ZNF136: variants seen among roughly 807,000 people sequenced by gnomAD.
ZNF136 encodes the protein zinc finger protein 136 (clone pHZ-20).
A neutral mutation model predicts 11.4 loss-of-function variants in ZNF136; 8 were observed. The ratio of observed to expected loss-of-function variants is 0.70; its 90% CI spans 0.41 to 1.27. The LOEUF (loss-of-function observed/expected upper bound fraction) is 1.27. Ranked by LOEUF, ZNF136 falls within the 50% of genes most tolerant of loss-of-function variation. The pLI, the probability that ZNF136 is intolerant of heterozygous loss-of-function variation, is 0.01. For synonymous variants in ZNF136, 190 were observed against 207.1 expected (o/e 0.92, Z 0.71); for missense variants, 590 against 656.5 (o/e 0.90, Z 1.11).
chr19:12,183,121 G>T (rs772035380), intron 1 of ZNF136, among the ~76,000 whole-genome samples: 1 of 151,672 alleles, frequency 6.6e-6, no homozygotes, highest in Non-Finnish European at 1.5e-5. Flanking sequence ...TCTTTTTTGT[G>T]ATTTTGTTGT....
At chr19:12,165,727 T>A (rs1248574776) in intron 1 of ZNF136, among the ~76,000 whole-genome samples, 1 of 152,202 alleles carries the variant, frequency 6.6e-6, no homozygotes, top group Non-Finnish European at 1.5e-5. Flanking sequence ...CTCAAGTCAC[T>A]TAGAAAAGTG....
At chr19:12,177,388 G>T (rs1568400826) in intron 1 of ZNF136, among the ~76,000 whole-genome samples, 1 of 152,214 alleles carries the variant, frequency 6.6e-6, no homozygotes, top group Non-Finnish European at 1.5e-5. Flanking sequence ...TGTAGCCCAG[G>T]CTGAAGTGCA....
chr19:12,163,157 G>T lies in ZNF136; in HGVS notation c.-47G>T. ...CTCTGTGGCGCGGTTTCCTGTACCT[G>T]CCTTGGGATCCGGAGGGAGGAAGCT... On this transcript the variant is annotated 5_prime_UTR_variant, in exon 1 of 4. Coordinates refer to ENST00000343979, the MANE Select transcript of ZNF136 (RefSeq NM_003437.5). 49 of 1,399,022 alleles carry T rather than the reference G, an allele frequency of 3.5e-5. No homozygotes were observed. The highest frequency in any genetic ancestry group is 4.5e-5 in the Non-Finnish European group (48 of 1,069,508). 86.7% of individuals were successfully genotyped at this position (1,399,022 alleles called of 1,614,324 possible).
Position 12,188,013 on chromosome 19 carries a change from C to A in ZNF136, c.*12C>A. 6.7e-7 allele frequency: 1 copy of A among 1,501,050 alleles called. No individual in the cohort carries two copies. The highest frequency in any genetic ancestry group is 1.4e-5 in the South Asian group (1 of 69,784). The allele number at this position is 1,501,050 out of a possible 1,614,324, so 93.0% of individuals were successfully genotyped here. On this transcript the variant is annotated 3_prime_UTR_variant, in exon 4 of 4. Coordinates refer to ENST00000343979, the MANE Select transcript of ZNF136 (RefSeq NM_003437.5). ...GGGAAAGCCTTTAATGCTCTGGGTT[C>A]ATGTCAGATACATTAAAATACTCAC...
Position 12,186,568 on chromosome 19 carries a change from A to G in ZNF136, c.192-2A>G. 5 of 1,586,674 alleles carry G rather than the reference A, an allele frequency of 3.2e-6. No homozygotes were observed. The highest frequency in any genetic ancestry group is 1.4e-5 in the African/African-American group (1 of 73,778). ...TAGTAATGTCCGTCTCATTTTTTACAGAAGTCATATGTTAGAAAGACTCTA... is the reference window on the plus strand; with the variant it reads ...TAGTAATGTCCGTCTCATTTTTTACGGAAGTCATATGTTAGAAAGACTCTA... On this transcript the variant is annotated splice_acceptor_variant, in intron 3 of 3. Transcript: ENST00000343979. LOFTEE classifies it high-confidence loss of function.
intron 1 of ZNF136, among the ~76,000 whole-genome samples, chr19:12,178,472 G>A (rs1914853076): frequency 1.3e-5 from 2 of 152,124 alleles, no homozygotes; most frequent in Admixed American, 6.5e-5. Flanking sequence ...CCCTGAGTTA[G>A]GTTTGATTGT....
At chr19:12,171,269 G>A (rs1914648067) in intron 1 of ZNF136, among the ~76,000 whole-genome samples, 4 of 152,202 alleles carry the variant, frequency 2.6e-5, no homozygotes, top group South Asian at 4.1e-4. Context: ...GTGTGCCACC[G>A]CACCTGGCTG....
intron 1 of ZNF136, chr19:12,184,820 C>T (rs1378248040): frequency 6.6e-6 from 1 of 152,082 alleles, no homozygotes; most frequent in African/African-American, 2.4e-5. Flanking sequence ...CAGAAATTTT[C>T]ATATTTTTTC....
chr19:12,165,068 T>G (rs1977166879), intron 1 of ZNF136, among the ~76,000 whole-genome samples: 1 of 152,206 alleles, frequency 6.6e-6, no homozygotes. Flanking sequence ...TTTCAGCCTC[T>G]ACTTTTTAGG....
intron 1 of ZNF136, among the ~76,000 whole-genome samples, chr19:12,174,844 T>C (rs572155090): frequency 1.1e-3 from 150 of 140,338 alleles, no homozygotes; most frequent in Non-Finnish European, 1.9e-3. Flanking sequence ...ACCATGTTAG[T>C]CAGGATGGCT....
intron 1 of ZNF136, among the ~76,000 whole-genome samples, chr19:12,176,395 C>A (rs189178800): frequency 2.6e-5 from 4 of 151,942 alleles, no homozygotes; most frequent in Admixed American, 1.3e-4. Context: ...GGCGGGATCT[C>A]GGCTCACTGC....
rs1231720330 is a variant in ZNF136 at position 12,187,875 on chromosome 19, T to C, written c.1497T>C (p.Thr499=). The change falls in exon 4 of 4, where the codon ACT becomes ACC. Residue 499 remains threonine, a synonymous_variant. Transcript: ENST00000343979. ...SSFRLHERTH[T]GQKPYHCKEC... ...TTCGACTACATGAAAGGACTCACAC[T>C]GGACAGAAACCCTATCATTGCAAGG... 3 of 1,602,584 alleles carry C rather than the reference T, an allele frequency of 1.9e-6. No homozygotes were observed. Among genetic ancestry groups the C allele is most frequent in the Admixed American group, 1.8e-5 (1 of 56,670 alleles).
intron 1 of ZNF136, among the ~76,000 whole-genome samples, chr19:12,183,663 A>G (rs1334618750): frequency 6.6e-6 from 1 of 151,908 alleles, no homozygotes; most frequent in Non-Finnish European, 1.5e-5. Context: ...ATTGGCACCC[A>G]TCATAGCTTG....
chr19:12,186,157 C>T lies in ZNF136; in HGVS notation c.174C>T (p.His58=), dbSNP rs1222443245. 27 of 1,610,298 alleles carry T rather than the reference C, an allele frequency of 1.7e-5. No homozygotes were observed. The highest frequency in any genetic ancestry group is 2.3e-5 in the Non-Finnish European group (27 of 1,179,110). Residue 58 remains histidine (H), a synonymous_variant, in exon 3 of 4, where the codon CAC becomes CAT. Transcript: ENST00000343979. ...AGAACATTAAAGATCACTACAAACACCGAGGGAGAAATCTAAGGTAATTTG... is the reference window on the plus strand; with the variant it reads ...AGAACATTAAAGATCACTACAAACATCGAGGGAGAAATCTAAGGTAATTTG... ...KDQNIKDHYK[H]RGRNLRSHML... is the part of the protein sequence containing the mutation.
At chr19:12,174,857 C>CTTTTTTT (rs538143217) in intron 1 of ZNF136, among the ~76,000 whole-genome samples, 67 of 87,228 alleles carry the variant, frequency 7.7e-4, no homozygotes, top group East Asian at 1.9e-3. Flanking sequence ...GGATGGCTTT[C>CTTTTTTT]TTTTTTTTTT....
intron 1 of ZNF136, chr19:12,184,891 C>T (rs57436343): frequency 0.031 from 4,704 of 152,210 alleles, 252 homozygotes; most frequent in African/African-American, 0.11. Context: ...TCCCCAAATC[C>T]GTTTCCCAGA....
intron 1 of ZNF136, among the ~76,000 whole-genome samples, chr19:12,173,949 A>G (rs530826887): frequency 2.6e-5 from 4 of 151,938 alleles, no homozygotes; most frequent in Admixed American, 2.6e-4. Flanking sequence ...GTTGTTGCCC[A>G]GGCTGGAGTG....
chr19:12,166,094 G>C (rs921701251), intron 1 of ZNF136, among the ~76,000 whole-genome samples: 1 of 151,970 alleles, frequency 6.6e-6, no homozygotes, highest in Admixed American at 6.6e-5. Context: ...CAGGTGTGGT[G>C]GTGGGCGCCT....
chr19:12,170,984 C>T (rs563122656), intron 1 of ZNF136, among the ~76,000 whole-genome samples: 138 of 152,172 alleles, frequency 9.1e-4, no homozygotes, highest in African/African-American at 3.0e-3. Flanking sequence ...TATAGGCATG[C>T]ACCACCACGC....
Sources: gnomAD v4.1 joint callset for allele counts (sites outside exome capture counted in the v4.1 genomes callset) on GRCh38, gnomAD v4.1.1 for gene constraint, MANE v1.5 for transcripts, NCBI Gene and HGNC (gene_info 2026-07-23, HGNC 2026-07-21) for gene names.